NR4A1: variants seen among roughly 807,000 people sequenced by gnomAD.
NR4A1 encodes the protein nuclear receptor subfamily 4 group A member 1, also known as nuclear receptor subfamily 4immunitygroup A member 1.
In NR4A1, 24 loss-of-function variants were observed where a neutral mutation model predicts 47.5. The ratio of observed to expected loss-of-function variants is 0.50; its 90% CI spans 0.37 to 0.71. The LOEUF (loss-of-function observed/expected upper bound fraction) is 0.71, where lower values mean the gene tolerates loss of function less well. Among genes scored for constraint, NR4A1 ranks in the 30% least tolerant of loss-of-function variants. The pLI is 0.00. For missense variants in NR4A1, 669 were observed against 788.6 expected, an observed-to-expected ratio of 0.85 and a Z score of 1.82; for synonymous variants, 353 against 345.7, an observed-to-expected ratio of 1.02 and a Z score of -0.24.
At chr12:52,023,846 C>T (rs1235499250) in intron 1 of NR4A1, among the ~76,000 whole-genome samples, 1 of 152,194 alleles carries the variant, frequency 6.6e-6, no homozygotes, top group Non-Finnish European at 1.5e-5. Context: ...GTGGCCTGGC[C>T]GACTTGCGGG....
At chr12:52,057,676 T>A in intron 6 of NR4A1, 146 bp downstream of exon 6, 4 of 860,164 alleles carry the variant, frequency 4.7e-6, no homozygotes, top group Non-Finnish European at 7.0e-6. Flanking sequence ...ATGCCAGCAG[T>A]AAAGTAGGGA....
At chr12:52,036,420 T>G (rs1235101659) in intron 1 of NR4A1, among the ~76,000 whole-genome samples, 2 of 152,170 alleles carry the variant, frequency 1.3e-5, no homozygotes, top group African/African-American at 2.4e-5. Context: ...TAACTCAGTA[T>G]CTACTGTGTA....
intron 1 of NR4A1, among the ~76,000 whole-genome samples, chr12:52,026,325 T>C (rs965293629): frequency 6.6e-6 from 1 of 152,132 alleles, no homozygotes; most frequent in Non-Finnish European, 1.5e-5. Context: ...TAAATGAAGG[T>C]GGGAATTAAG....
At chr12:52,040,600 C>T (rs1938397472) in intron 1 of NR4A1, among the ~76,000 whole-genome samples, 1 of 152,148 alleles carries the variant, frequency 6.6e-6, no homozygotes, top group African/African-American at 2.4e-5. Flanking sequence ...CCCTTCCCTC[C>T]TTGTCTCCTG....
At chr12:52,055,654 A>C in intron 2 of NR4A1, 1 of 374,830 alleles carries the variant, frequency 2.7e-6, no homozygotes, top group Non-Finnish European at 4.8e-6. Context: ...TGTCCCAGCG[A>C]TGGTGCCTGC....
At chr12:52,057,287 C>G (rs767634977) in intron 5 of NR4A1, 28 bp downstream of exon 5, 6 of 1,613,604 alleles carry the variant, frequency 3.7e-6, no homozygotes, top group Non-Finnish European at 5.1e-6. Flanking sequence ...TCTGCCCAGC[C>G]CCTTTCCCTG....
At chr12:52,045,639 C>T (rs1255950657) in intron 2 of NR4A1, 2 of 392,352 alleles carry the variant, frequency 5.1e-6, no homozygotes, top group African/African-American at 4.1e-5. Context: ...AGGGACTGGC[C>T]TCAGGTCACA....
chr12:52,055,854 TC>T (rs200850180), intron 2 of NR4A1, 175 bp from the exon 3 acceptor site: 1 of 450,334 alleles, frequency 2.2e-6, no homozygotes. Context: ...GACTTTTCTC[TC>T]CCCCCGCCCA....
At chr12:52,024,251 C>T (rs1384266822) in intron 1 of NR4A1, among the ~76,000 whole-genome samples, 11 of 152,258 alleles carry the variant, frequency 7.2e-5, no homozygotes. Context: ...GGAAGGAAAA[C>T]ATAAGTCACC....
At chr12:52,051,325 C>T (rs929568815), upstream of NR4A1, 1 of 867,490 alleles carries the variant, frequency 1.2e-6, no homozygotes, top group African/African-American at 1.8e-5. Context: ...GCCGGAACCG[C>T]ACCGCCCCCC....
upstream of NR4A1, among the ~76,000 whole-genome samples, chr12:52,051,101 GGA>G (rs1270917715): frequency 1.3e-5 from 2 of 152,184 alleles, no homozygotes; most frequent in Admixed American, 6.5e-5. Flanking sequence ...CCCCCAGCTG[GGA>G]CCCGAGTCCG....
chr12:52,059,490 A>G lies in NR4A1; in HGVS notation c.*546A>G, dbSNP rs2120569268. 6.6e-6 allele frequency: 1 copy of G among 152,374 alleles called. No homozygotes were observed. Among genetic ancestry groups the G allele is most frequent in the Admixed American group, 6.5e-5 (1 of 15,298 alleles). The allele number at this position is 152,374 out of a possible 1,614,324, so 9.4% of individuals were successfully genotyped here. On this transcript the variant is annotated 3_prime_UTR_variant, in exon 7 of 7. Coordinates refer to ENST00000394825, the MANE Select transcript of NR4A1 (RefSeq NM_173157.3). The stretch of plus-strand genomic sequence containing the variant: ...ATTTAATATATTGAATAAAAAATAG[A>G]CATGTAGTTGGAACTGAGATTCAGT...
intron 2 of NR4A1, chr12:52,055,778 C>T (rs1451203276): frequency 2.7e-6 from 1 of 367,734 alleles, no homozygotes. Context: ...GCCAGGGAGA[C>T]CCTGGCCCCC....
intron 1 of NR4A1, chr12:52,037,967 CG>C (rs1555166966): frequency 7.6e-6 from 2 of 262,720 alleles, no homozygotes; most frequent in African/African-American, 1.2e-4. Flanking sequence ...GGGGTGGGGG[CG>C]GGGGTGGTCT....
chr12:52,033,089 C>T (rs752596374), intron 1 of NR4A1, among the ~76,000 whole-genome samples: 40 of 152,234 alleles, frequency 2.6e-4, no homozygotes, highest in Non-Finnish European at 5.4e-4. Context: ...CAGCTCTGCG[C>T]CGCCGGGTGA....
chr12:52,036,925 C>T (rs1938253052), intron 1 of NR4A1, among the ~76,000 whole-genome samples: 1 of 152,212 alleles, frequency 6.6e-6, no homozygotes, highest in Non-Finnish European at 1.5e-5. Flanking sequence ...GTGAGCGAGA[C>T]CTCGGCACCC....
At chr12:52,027,757 ACC>A in intron 1 of NR4A1, among the ~76,000 whole-genome samples, 1 of 152,270 alleles carries the variant, frequency 6.6e-6, no homozygotes, top group Non-Finnish European at 1.5e-5. Flanking sequence ...ACAGGGGGGC[ACC>A]CACACACTCT....
chr12:52,037,749 C>G, intron 1 of NR4A1: 3 of 985,462 alleles, frequency 3.0e-6, no homozygotes, highest in Non-Finnish European at 3.6e-6. Context: ...GTTCCAGGAG[C>G]GCGGGAGCTC....
At chr12:52,037,378 C>G (rs1938274062) in intron 1 of NR4A1, 1 of 985,528 alleles carries the variant, frequency 1.0e-6, no homozygotes, top group Non-Finnish European at 1.2e-6. Flanking sequence ...CAGAGCAGCT[C>G]AGGGCCGGCT....
Sources: gnomAD v4.1 joint callset for allele counts (sites outside exome capture counted in the v4.1 genomes callset) on GRCh38, gnomAD v4.1.1 for gene constraint, MANE v1.5 for transcripts, NCBI Gene and HGNC (gene_info 2026-07-23, HGNC 2026-07-21) for gene names.